Variants in POLR1B observed in about 807,000 individuals in gnomAD.
The protein encoded by POLR1B is DNA-directed RNA polymerase I subunit RPA2.
Under a neutral mutation model 105.8 loss-of-function variants are expected in POLR1B, and 30 were observed. The ratio of observed to expected loss-of-function variants is 0.28; its 90% CI spans 0.21 to 0.38. POLR1B has a LOEUF of 0.38. Ranked by LOEUF, POLR1B falls within the 10% of genes least tolerant of loss-of-function variation. POLR1B has a pLI of 1.00. For missense variants in POLR1B, 976 were observed against 1,435.8 expected (o/e 0.68, Z 5.17); for synonymous variants, 485 against 505.1 (o/e 0.96, Z 0.53).
rs1181588070 is a variant in POLR1B at position 112,579,006 on chromosome 2, G to A, written c.*3277G>A. On this transcript the variant is annotated 3_prime_UTR_variant, in exon 15 of 15. Transcript: ENST00000263331. ...GCAGATCACTTGAGGTCAGGAGTTT[G>A]AGACCAGCCTGGCCATCATGGGGAA... Among the ~76,000 whole-genome samples the A allele has an allele frequency of 2.0e-5, 3 of 151,970 alleles. No individual in the cohort carries two copies. Among genetic ancestry groups the A allele is most frequent in the Non-Finnish European group, 2.9e-5 (2 of 68,000 alleles).
intron 12 of POLR1B, among the ~76,000 whole-genome samples, chr2:112,570,625 C>G (rs1215150447): frequency 9.2e-5 from 14 of 152,048 alleles, no homozygotes; most frequent in Admixed American, 9.2e-4. Flanking sequence ...AGTTGTAAGA[C>G]AATGGCAAGG....
Position 112,551,992 on chromosome 2 carries a change from T to C in POLR1B, c.980T>C (p.Leu327Pro), listed in dbSNP as rs1683397897. The C allele has an allele frequency of 6.2e-7, 1 of 1,613,110 alleles. No homozygotes were observed. The highest frequency in any genetic ancestry group is 8.5e-7 in the Non-Finnish European group (1 of 1,179,154). Residue 327 changes from leucine (L) to proline (P), a missense_variant, in exon 6 of 15, where the codon CTG (leucine) becomes CCG (proline). By Grantham distance (98) the Leu-to-Pro change is moderately conservative. This residue lies in a region of POLR1B where 452 missense variants were observed against 616.5 expected (regional missense o/e 0.73). Transcript: ENST00000263331. ...WYPNEQAAEF[L>P]FNQCICIHLK... ...CCAAATGAGCAAGCTGCGGAGTTCC[T>C]GTTTAAGTATGTGTGCTTTGTCTAA... is the stretch of plus-strand genomic sequence containing the variant.
intron 11 of POLR1B, 86 bp downstream of exon 11, chr2:112,568,223 A>G: frequency 1.5e-6 from 2 of 1,339,842 alleles, no homozygotes; most frequent in Non-Finnish European, 2.1e-6. Context: ...CTTTTTTAAA[A>G]GGGTTGTTAA....
intron 8 of POLR1B, among the ~76,000 whole-genome samples, chr2:112,558,917 C>CTTT (rs34385497): frequency 1.1e-4 from 16 of 141,626 alleles, no homozygotes; most frequent in East Asian, 4.2e-4. Flanking sequence ...TGTGCCCCGC[C>CTTT]TTTTTTTTTT....
chr2:112,568,218 T>A, intron 11 of POLR1B, 81 bp downstream of exon 11: 4 of 1,354,690 alleles, frequency 3.0e-6, no homozygotes, highest in African/African-American at 1.5e-5. Context: ...TCTTCCTTTT[T>A]TAAAAGGGTT....
At position 112,579,533 on chromosome 2, in the gene POLR1B, C is replaced by G. The variant is rs1398759923; in HGVS notation, c.*3804C>G. ...GGGAGTGGAAAAAGAACAAATAAAT[C>G]TGTAAGTGGTTGTGATCAATTTGTT... is the stretch of plus-strand genomic sequence containing the variant. On this transcript the variant is annotated 3_prime_UTR_variant, in exon 15 of 15. Transcript: ENST00000263331. 1 of 152,102 alleles carries G rather than the reference C, an allele frequency of 6.6e-6. No homozygotes were observed. The highest frequency in any genetic ancestry group is 2.4e-5 in the African/African-American group (1 of 41,416). 9.4% of individuals were successfully genotyped at this position (152,102 alleles called of 1,614,324 possible).
At chr2:112,542,072 C>T (rs922359844), upstream of POLR1B, 13 of 1,526,656 alleles carry the variant, frequency 8.5e-6, no homozygotes, top group East Asian at 1.5e-4. Flanking sequence ...TCGGCATCAG[C>T]GTGGGACTGG....
chr2:112,568,789 G>A lies in POLR1B; in HGVS notation c.1961G>A (p.Gly654Glu). 1 of 1,614,066 alleles carries A rather than the reference G, an allele frequency of 6.2e-7. No homozygotes were observed. Among genetic ancestry groups the A allele is most frequent in the African/African-American group, 1.3e-5 (1 of 75,026 alleles). ...VAIFEDEVFA[G>E]VTTHQELFPH... ...ATCTTTGAGGATGAAGTTTTTGCTG[G>A]AGTTACCACACACCAGGAACTCTTT... Residue 654 changes from glycine to glutamate, a missense_variant, in exon 12 of 15, where the codon GGA becomes GAA. Physicochemically the swap from Gly to Glu is moderately conservative, Grantham distance 98. Transcript: ENST00000263331.
rs1319202033 is a variant in POLR1B, at chr2:112,577,575, T to C, written c.*1846T>C. Among the ~76,000 whole-genome samples the C allele has an allele frequency of 1.3e-5, 2 of 148,958 alleles. No homozygotes were observed. The highest frequency in any genetic ancestry group is 3.0e-5 in the Non-Finnish European group (2 of 67,372). On this transcript the variant is annotated 3_prime_UTR_variant, in exon 15 of 15. Coordinates refer to ENST00000263331, the MANE Select transcript of POLR1B (RefSeq NM_019014.6). The stretch of plus-strand genomic sequence containing the variant: ...ATTTTATAAATTAAAAAAGGCTGGG[T>C]GTGGTGGCTCACACCCATAATCCCA...
chr2:112,559,151 T>G, intron 8 of POLR1B, 142 bp from the exon 9 acceptor site: 1 of 1,039,990 alleles, frequency 9.6e-7, no homozygotes, highest in Non-Finnish European at 1.4e-6. Flanking sequence ...CTCTTTACAC[T>G]CATCAGAGCT....
chr2:112,544,965 G>C (rs1198921575), intron 1 of POLR1B, among the ~76,000 whole-genome samples: 1 of 152,142 alleles, frequency 6.6e-6, no homozygotes, highest in Admixed American at 6.5e-5. Flanking sequence ...CAGCAAAAAA[G>C]TTGAGTTGCT....
chr2:112,566,878 G>A (rs1388140597), intron 10 of POLR1B, among the ~76,000 whole-genome samples: 2 of 151,922 alleles, frequency 1.3e-5, no homozygotes, highest in Non-Finnish European at 2.9e-5. Context: ...GATTACAGGT[G>A]CACACCACCA....
chr2:112,557,406 T>C (rs1459532398), intron 7 of POLR1B, among the ~76,000 whole-genome samples: 2 of 152,108 alleles, frequency 1.3e-5, no homozygotes, highest in African/African-American at 2.4e-5. Context: ...TGGTTTTAGA[T>C]GTATAACAAG....
At position 112,576,519 on chromosome 2, in the gene POLR1B, T is replaced by A. The variant is rs1684866508; in HGVS notation, c.*790T>A. 6.6e-6 allele frequency: 1 copy of A among 152,212 alleles called. No homozygotes were observed. Among genetic ancestry groups the A allele is most frequent in the Non-Finnish European group, 1.5e-5 (1 of 68,048 alleles). The allele number at this position is 152,212 out of a possible 1,614,324, so 9.4% of individuals were successfully genotyped here. On this transcript the variant is annotated 3_prime_UTR_variant, in exon 15 of 15. Transcript: ENST00000263331. ...TATACCTGTTGAACAACTCTCCATT[T>A]CCCTGGCCCCTAGCAACCACCCTTC...
Position 112,542,650 on chromosome 2 carries a change from G to A in POLR1B, c.156G>A (p.Glu52=), listed in dbSNP as rs1346103384. The A allele has an allele frequency of 1.9e-6, 3 of 1,613,610 alleles. No homozygotes were observed. Among genetic ancestry groups the A allele is most frequent in the Non-Finnish European group, 2.5e-6 (3 of 1,179,918 alleles). The change falls in exon 1 of 15, where the codon GAG becomes GAA. Residue 52 remains glutamate, a synonymous_variant. Coordinates refer to ENST00000263331, the MANE Select transcript of POLR1B (RefSeq NM_019014.6). ...HVESFNYAVH[E]GLGLAVQAIP... is the part of the protein sequence containing the mutation. ...AGTCCTTCAACTACGCTGTGCACGA[G>A]GGTCTCGGCCTCGCGGTGCAGGTGA...
intron 5 of POLR1B, 42 bp downstream of exon 5, chr2:112,551,044 AC>A: frequency 6.3e-7 from 1 of 1,581,108 alleles, no homozygotes; most frequent in Non-Finnish European, 8.7e-7. Flanking sequence ...GAAGAAATTC[AC>A]TGGGGGTAGT....
intron 1 of POLR1B, among the ~76,000 whole-genome samples, chr2:112,543,725 G>A (rs948572404): frequency 1.3e-5 from 2 of 151,988 alleles, no homozygotes; most frequent in African/African-American, 2.4e-5. Flanking sequence ...GACTAGAGGG[G>A]TGGGGGTTAT....
At chr2:112,569,039 G>A in intron 12 of POLR1B, 137 bp downstream of exon 12, 2 of 917,688 alleles carry the variant, frequency 2.2e-6, no homozygotes, top group Non-Finnish European at 3.2e-6. Context: ...TCTTTTTTCT[G>A]TGCCACAAGC....
intron 10 of POLR1B, among the ~76,000 whole-genome samples, chr2:112,567,563 G>A (rs896207413): frequency 9.9e-5 from 15 of 151,862 alleles, no homozygotes; most frequent in Non-Finnish European, 1.8e-4. Context: ...AATTTTTGTA[G>A]AGACGGGGTT....
Sources: allele counts gnomAD v4.1 joint callset (sites outside exome capture counted in the v4.1 genomes callset), GRCh38; gene constraint gnomAD v4.1.1; regional missense constraint gnomAD v4.1.1; transcripts MANE v1.5; gene names NCBI Gene and HGNC (gene_info 2026-07-23, HGNC 2026-07-21).